Variants in HTR7 observed in about 807,000 individuals in gnomAD.
The protein encoded by HTR7 is 5-HT-7.
Under a neutral mutation model 34.0 loss-of-function variants are expected in HTR7, and 16 were observed. The observed-to-expected ratio is 0.47, with a 90% CI of 0.32 to 0.71. The LOEUF is 0.71. Among genes scored for constraint, HTR7 ranks in the 30% least tolerant of loss-of-function variants. The pLI is 0.04. For missense variants in HTR7, 504 were observed against 625.5 expected (o/e 0.81, Z 2.07); for synonymous variants, 265 against 260.2 (o/e 1.02, Z -0.18).
Position 90,853,979 on chromosome 10 carries a change from G to A in HTR7, c.539+3154C>T, listed in dbSNP as rs116965591. Among the ~76,000 whole-genome samples the A allele has an allele frequency of 1.4e-3, 214 of 152,324 alleles. 7 individuals are homozygous for A. In the East Asian group the frequency reaches 0.039, roughly 27 times the overall value. On this transcript the variant is annotated intron_variant, in intron 1 of 3. Coordinates refer to ENST00000336152, the MANE Select transcript of HTR7 (RefSeq NM_019859.4). ...AGCAGCTTAACTGTGAAGCAGAGCC[G>A]TGGCTGGAGGAAGAAGTGAGGCCAG...
At chr10:90,765,190 A>C (rs1313398172) in intron 1 of HTR7, among the ~76,000 whole-genome samples, 2 of 152,078 alleles carry the variant, frequency 1.3e-5, no homozygotes, top group Non-Finnish European at 2.9e-5. Flanking sequence ...GTTTTTTATT[A>C]TTGATTCAAT....
chr10:90,757,203 A>C (rs529674102), intron 1 of HTR7, among the ~76,000 whole-genome samples: 1 of 152,244 alleles, frequency 6.6e-6, no homozygotes, highest in Non-Finnish European at 1.5e-5. Context: ...ACCCCATCCC[A>C]TAGAAGCAGT....
At chr10:90,791,164 T>C (rs1056904337) in intron 1 of HTR7, among the ~76,000 whole-genome samples, 9 of 152,024 alleles carry the variant, frequency 5.9e-5, no homozygotes, top group African/African-American at 2.2e-4. Context: ...CTGTTATAAT[T>C]TCTAGGTGGG....
intron 1 of HTR7, among the ~76,000 whole-genome samples, chr10:90,844,465 C>G (rs368356852): frequency 6.6e-6 from 1 of 151,974 alleles, no homozygotes; most frequent in East Asian, 1.9e-4. Flanking sequence ...GTGGCTTATG[C>G]CTGTAATCCC....
chr10:90,776,990 A>C (rs1296621887), intron 1 of HTR7, among the ~76,000 whole-genome samples: 1 of 152,230 alleles, frequency 6.6e-6, no homozygotes, highest in Non-Finnish European at 1.5e-5. Flanking sequence ...CTGTAGAATA[A>C]GTGAGTATAT....
intron 1 of HTR7, among the ~76,000 whole-genome samples, chr10:90,854,576 G>C (rs903000306): frequency 6.6e-6 from 1 of 152,186 alleles, no homozygotes; most frequent in Non-Finnish European, 1.5e-5. Flanking sequence ...TTTGGTGGGG[G>C]AAAGATAAAA....
chr10:90,779,067 G>A (rs75268059), intron 1 of HTR7, among the ~76,000 whole-genome samples: 16 of 152,282 alleles, frequency 1.1e-4, no homozygotes, highest in Middle Eastern at 3.4e-3. Context: ...GAGAACTGCT[G>A]CCCTGATTCT....
intron 1 of HTR7, among the ~76,000 whole-genome samples, chr10:90,807,818 A>G (rs1845728003): frequency 6.6e-6 from 1 of 152,026 alleles, no homozygotes; most frequent in South Asian, 2.1e-4. Flanking sequence ...TCCGTGAAAA[A>G]GATCCACCTA....
intron 2 of HTR7, among the ~76,000 whole-genome samples, chr10:90,745,647 G>A (rs1935347): frequency 0.62 from 94,577 of 152,164 alleles, 31,279 homozygotes; most frequent in African/African-American, 0.87. Flanking sequence ...TAGGCTAATC[G>A]TCCTTAATGA....
intron 2 of HTR7, among the ~76,000 whole-genome samples, chr10:90,746,726 T>A (rs1012739578): frequency 2.0e-5 from 3 of 152,182 alleles, no homozygotes; most frequent in Non-Finnish European, 4.4e-5. Flanking sequence ...CTAGCTGTAC[T>A]TACCAGTCTA....
chr10:90,816,160 C>A (rs1384419341), intron 1 of HTR7, among the ~76,000 whole-genome samples: 1 of 152,190 alleles, frequency 6.6e-6, no homozygotes, highest in Admixed American at 6.5e-5. Context: ...TTTTACATTA[C>A]CCAATAAATA....
intron 1 of HTR7, among the ~76,000 whole-genome samples, chr10:90,817,153 A>C (rs1845909310): frequency 6.6e-6 from 1 of 152,170 alleles, no homozygotes; most frequent in South Asian, 2.1e-4. Context: ...GAAAAATGAG[A>C]AATAAAAACA....
intron 1 of HTR7, among the ~76,000 whole-genome samples, chr10:90,850,839 C>A (rs1012210020): frequency 5.3e-5 from 8 of 151,932 alleles, no homozygotes; most frequent in African/African-American, 1.7e-4. Flanking sequence ...AACTCAAGCA[C>A]AGATGTAAAA....
rs538343209 is a variant in HTR7 at position 90,857,731 on chromosome 10, C to T, written c.-60G>A. 4.3e-6 allele frequency: 6 copies of T among 1,400,398 alleles called. No individual in the cohort carries two copies. Among genetic ancestry groups the T allele is most frequent in the Admixed American group, 6.8e-5 (2 of 29,518 alleles). The allele number at this position is 1,400,398 out of a possible 1,614,324, so 86.7% of individuals were successfully genotyped here. A position where few individuals can be genotyped will look rare whatever the true frequency, so the allele number is the denominator to read the frequency against. ...GCCCCGGCCACGCGCCTCCGGCTGCCGGCCCCGGGGCTTCACCTCACCGGT... is the reference window on the plus strand; with the variant it reads ...GCCCCGGCCACGCGCCTCCGGCTGCTGGCCCCGGGGCTTCACCTCACCGGT... On this transcript the variant is annotated 5_prime_UTR_variant, in exon 1 of 4. Coordinates refer to ENST00000336152, the MANE Select transcript of HTR7 (RefSeq NM_019859.4). The surrounding 1 kb of genome is among the most constrained non-coding windows in gnomAD (Gnocchi z 6.5).
chr10:90,819,290 T>G (rs1374039795), intron 1 of HTR7, among the ~76,000 whole-genome samples: 1 of 152,214 alleles, frequency 6.6e-6, no homozygotes, highest in East Asian at 1.9e-4. Flanking sequence ...AATTTTATGA[T>G]CTTGAAATTA....
intron 2 of HTR7, among the ~76,000 whole-genome samples, chr10:90,744,995 T>C (rs965987031): frequency 6.6e-6 from 1 of 152,200 alleles, no homozygotes; most frequent in African/African-American, 2.4e-5. Flanking sequence ...ACCAACTTCA[T>C]AGACATGCTT....
At chr10:90,822,273 T>C (rs1413511860) in intron 1 of HTR7, among the ~76,000 whole-genome samples, 5 of 152,172 alleles carry the variant, frequency 3.3e-5, no homozygotes, top group African/African-American at 1.2e-4. Flanking sequence ...AAGTCTCAGA[T>C]GGAGATGAGG....
chr10:90,776,675 A>G (rs1845217065), intron 1 of HTR7, among the ~76,000 whole-genome samples: 1 of 152,240 alleles, frequency 6.6e-6, no homozygotes, highest in South Asian at 2.1e-4. Flanking sequence ...TATCAGATTA[A>G]GAGTAATACT....
intron 1 of HTR7, among the ~76,000 whole-genome samples, chr10:90,806,900 G>A (rs1356278546): frequency 6.6e-6 from 1 of 152,166 alleles, no homozygotes; most frequent in East Asian, 1.9e-4. Context: ...AAAGGGGAAA[G>A]ATAGACTGGG....
Sources: allele counts gnomAD v4.1 joint callset (sites outside exome capture counted in the v4.1 genomes callset), GRCh38; gene constraint gnomAD v4.1.1; non-coding constraint Gnocchi (gnomAD v3.1); transcripts MANE v1.5; gene names NCBI Gene and HGNC (gene_info 2026-07-23, HGNC 2026-07-21).